The following ZFAND4 variants were observed in gnomAD, a reference collection of about 807,000 sequenced individuals.
The protein encoded by ZFAND4 is zinc finger AN1-type containing 4, also known as AN1-type zinc finger protein 4.
ZFAND4 carries 43 observed loss-of-function variants against 64.4 expected under a neutral mutation model. The observed-to-expected ratio is 0.67, with a 90% confidence interval of 0.52 to 0.86. The LOEUF (loss-of-function observed/expected upper bound fraction) is 0.86, where lower values mean the gene tolerates loss of function less well. Among genes scored for constraint, ZFAND4 ranks in the 40% least tolerant of loss-of-function variants. ZFAND4 has a pLI of 0.00. For missense variants in ZFAND4, 929 were observed against 859.8 expected (o/e 1.08, Z -1.01); for synonymous variants, 296 against 305.7 (o/e 0.97, Z 0.33).
intron 8 of ZFAND4, among the ~76,000 whole-genome samples, chr10:45,621,680 T>A (rs2045437828): frequency 6.6e-6 from 1 of 151,988 alleles, no homozygotes; most frequent in Non-Finnish European, 1.5e-5. Context: ...AGGTGGAGCT[T>A]GCAGTGAGCC....
chr10:45,631,249 G>A (rs1258665913), intron 6 of ZFAND4, among the ~76,000 whole-genome samples: 9 of 149,680 alleles, frequency 6.0e-5, no homozygotes, highest in East Asian at 2.0e-4. Flanking sequence ...CCTGGGAGGC[G>A]GAGCTTGCAG....
At chr10:45,661,431 C>T (rs948990965) in intron 2 of ZFAND4, among the ~76,000 whole-genome samples, 1 of 152,146 alleles carries the variant, frequency 6.6e-6, no homozygotes, top group African/African-American at 2.4e-5. Flanking sequence ...CCTCCCCACT[C>T]TCCCCACCAG....
intron 5 of ZFAND4, among the ~76,000 whole-genome samples, chr10:45,646,580 T>C (rs2133756233): frequency 6.6e-6 from 1 of 152,242 alleles, no homozygotes; most frequent in East Asian, 1.9e-4. Context: ...AGAAGTTGGC[T>C]GAGGAGAAGC....
Position 45,672,657 on chromosome 10 carries a change from C to G in ZFAND4, c.-525G>C, listed in dbSNP as rs2049285462. 1 of 152,086 alleles carries G rather than the reference C, an allele frequency of 6.6e-6. No individual in the cohort carries two copies. The highest frequency in any genetic ancestry group is 6.5e-5 in the Admixed American group (1 of 15,276). The allele number at this position is 152,086 out of a possible 1,614,324, so 9.4% of individuals were successfully genotyped here. On this transcript the variant is annotated 5_prime_UTR_variant, in exon 1 of 10. Transcript: ENST00000344646. ...GCAGCCCGGGCGCCCCCCCTGCCGGCCGCTCGCTAGCTCAGCCTCACCCGC... is the reference window on the plus strand; with the variant it reads ...GCAGCCCGGGCGCCCCCCCTGCCGGGCGCTCGCTAGCTCAGCCTCACCCGC...
Position 45,638,440 on chromosome 10 carries a change from G to A in ZFAND4, c.717+1376C>T, listed in dbSNP as rs571062012. On this transcript the variant is annotated intron_variant, in intron 6 of 9. Coordinates refer to ENST00000344646, the MANE Select transcript of ZFAND4 (RefSeq NM_174890.4). ...ACCCGGGAGGCAGAGCTTGCAGTGA[G>A]CCGAGATAGCGCCTGGGTGACAGAG... is the stretch of plus-strand genomic sequence containing the variant. Among the ~76,000 whole-genome samples the A allele has an allele frequency of 1.4e-3, 206 of 151,486 alleles. 3 individuals carry two copies. Among genetic ancestry groups the A allele is most frequent in the African/African-American group, 4.0e-3 (167 of 41,270 alleles).
At chr10:45,639,027 G>A (rs1433027567) in intron 6 of ZFAND4, among the ~76,000 whole-genome samples, 2 of 152,070 alleles carry the variant, frequency 1.3e-5, no homozygotes, top group African/African-American at 2.4e-5. Context: ...GTCTACATGA[G>A]TGTATATAAA....
chr10:45,631,408 G>C (rs2046216669), intron 6 of ZFAND4, among the ~76,000 whole-genome samples: 1 of 149,364 alleles, frequency 6.7e-6, no homozygotes. Context: ...AAATAATCCT[G>C]AAATAAAAGA....
chr10:45,632,989 G>C (rs2133628849), intron 6 of ZFAND4, among the ~76,000 whole-genome samples: 1 of 152,200 alleles, frequency 6.6e-6, no homozygotes, highest in East Asian at 1.9e-4. Flanking sequence ...ATCAGGCAAG[G>C]AAAATTCAAG....
At chr10:45,625,448 T>C (rs1211770449) in intron 7 of ZFAND4, among the ~76,000 whole-genome samples, 1 of 120,162 alleles carries the variant, frequency 8.3e-6, no homozygotes, top group Non-Finnish European at 1.6e-5. Context: ...CACTCCAGCC[T>C]GGGTGAAAGA....
At chr10:45,627,679 C>T (rs1472310000) in intron 6 of ZFAND4, among the ~76,000 whole-genome samples, 1 of 152,186 alleles carries the variant, frequency 6.6e-6, no homozygotes, top group Middle Eastern at 3.2e-3. Context: ...ATGATGAACA[C>T]TTGCTTTCCT....
rs544710078 is a variant in ZFAND4, at chr10:45,651,924, G to C, written c.328+42C>G. Reference sequence around the variant, plus strand: ...CTATAAAAATACTAACTGACATAAAGAATGTTACTGTCAAATTGCTTTAAT... The same window carrying C: ...CTATAAAAATACTAACTGACATAAACAATGTTACTGTCAAATTGCTTTAAT... On this transcript the variant is annotated intron_variant, in intron 4 of 9. Transcript: ENST00000344646. 1.4e-4 allele frequency: 221 copies of C among 1,540,648 alleles called. 2 individuals are homozygous for C. In the South Asian group the frequency reaches 2.3e-3, roughly 16 times the overall value.
At position 45,639,372 on chromosome 10, in the gene ZFAND4, A is replaced by G. The variant is rs117692917; in HGVS notation, c.717+444T>C. On this transcript the variant is annotated intron_variant, in intron 6 of 9. Transcript: ENST00000344646. Reference sequence around the variant, plus strand: ...CAAACAAAGTAGGATTACAAAAATTACAAAGGACCATGCCAAATACTGGTA... The same window carrying G: ...CAAACAAAGTAGGATTACAAAAATTGCAAAGGACCATGCCAAATACTGGTA... 5.7e-3 allele frequency among the ~76,000 whole-genome samples: 869 copies of G among 152,318 alleles called. 5 individuals carry two copies. Among genetic ancestry groups the G allele is most frequent in the Admixed American group, 9.3e-3 (142 of 15,298 alleles).
At chr10:45,662,509 T>A (rs2133851049) in intron 2 of ZFAND4, 1 of 744,328 alleles carries the variant, frequency 1.3e-6, no homozygotes, top group Non-Finnish European at 1.6e-6. Context: ...AAAAAAGGTA[T>A]CCTTTAAACT....
chr10:45,639,170 A>C (rs2046825387), intron 6 of ZFAND4, among the ~76,000 whole-genome samples: 1 of 152,158 alleles, frequency 6.6e-6, no homozygotes, highest in South Asian at 2.1e-4. Context: ...TATCTAGAAT[A>C]TATATAAAAC....
Position 45,648,499 on chromosome 10 carries a change from A to G in ZFAND4, c.364T>C (p.Tyr122His). The change falls in exon 5 of 10, where the codon TAC becomes CAC. Residue 122 changes from tyrosine to histidine, a missense_variant. Tyr to His is a moderately conservative substitution (Grantham distance 83). Transcript: ENST00000344646. ...ACCTCAACTCGACTGGAATCCAAGTACTCTGCCATCTTCCTAAGTGGATCG... is the reference window on the plus strand; with the variant it reads ...ACCTCAACTCGACTGGAATCCAAGTGCTCTGCCATCTTCCTAAGTGGATCG... ...TDDPLRKMAE[Y>H]LDSSRVEVWE... is the part of the protein sequence containing the mutation. 1 of 1,613,408 alleles carries G rather than the reference A, an allele frequency of 6.2e-7. No individual in the cohort carries two copies. Among genetic ancestry groups the G allele is most frequent in the Non-Finnish European group, 8.5e-7 (1 of 1,179,676 alleles).
At chr10:45,653,716 G>T (rs939900921) in intron 2 of ZFAND4, among the ~76,000 whole-genome samples, 2 of 152,184 alleles carry the variant, frequency 1.3e-5, no homozygotes, top group African/African-American at 4.8e-5. Flanking sequence ...TACACTGCTG[G>T]TGGGAATGCA....
At chr10:45,660,160 C>CA (rs59673620) in intron 2 of ZFAND4, among the ~76,000 whole-genome samples, 34,039 of 91,968 alleles carry the variant, frequency 0.37, 5,429 homozygotes, top group East Asian at 0.68. Flanking sequence ...AGACGCATCT[C>CA]AAAAAAAAAA....
At chr10:45,652,877 A>C (rs2047850367) in intron 3 of ZFAND4, 107 bp downstream of exon 3, 1 of 803,408 alleles carries the variant, frequency 1.2e-6, no homozygotes, top group Admixed American at 2.6e-5. Context: ...AATGTGAACT[A>C]TTCAGGAGAA....
intron 2 of ZFAND4, among the ~76,000 whole-genome samples, chr10:45,658,803 T>C (rs1010223826): frequency 6.6e-6 from 1 of 152,238 alleles, no homozygotes; most frequent in Non-Finnish European, 1.5e-5. Flanking sequence ...AATTTTAAAA[T>C]AAACGGTTAT....
Sources: allele counts gnomAD v4.1 joint callset (sites outside exome capture counted in the v4.1 genomes callset), GRCh38; gene constraint gnomAD v4.1.1; transcripts MANE v1.5; gene names NCBI Gene and HGNC (gene_info 2026-07-23, HGNC 2026-07-21).